The following DAB2IP variants were observed in gnomAD, a reference collection of about 807,000 sequenced individuals.
DAB2IP encodes the protein DAB2 interacting protein.
A neutral mutation model predicts 107.2 loss-of-function variants in DAB2IP; 28 were observed. That is an observed-to-expected ratio of 0.26 (90% CI 0.19 to 0.36). The LOEUF (loss-of-function observed/expected upper bound fraction) is 0.36. DAB2IP is among the 10% of genes least tolerant of loss of function. DAB2IP has a pLI of 1.00. For synonymous variants in DAB2IP, 755 were observed against 706.4 expected (o/e 1.07, Z -1.09); for missense variants, 1,400 against 1,644.7 (o/e 0.85, Z 2.57).
intron 1 of DAB2IP, among the ~76,000 whole-genome samples, chr9:121,614,341 T>C (rs201379303): frequency 6.7e-4 from 92 of 137,816 alleles, no homozygotes; most frequent in African/African-American, 2.4e-3. Flanking sequence ...TCTTTTCTTT[T>C]TTTTTTTTTT....
At chr9:121,775,247 G>A (rs551609220) in intron 13 of DAB2IP, among the ~76,000 whole-genome samples, 2 of 152,326 alleles carry the variant, frequency 1.3e-5, no homozygotes, top group East Asian at 3.9e-4. Flanking sequence ...AAAGCCTGTG[G>A]CAACCTCTCG....
intron 1 of DAB2IP, among the ~76,000 whole-genome samples, chr9:121,622,572 C>G (rs1831511669): frequency 6.6e-6 from 1 of 152,188 alleles, no homozygotes; most frequent in Non-Finnish European, 1.5e-5. Flanking sequence ...CTCCACTGCC[C>G]TCGTGTCGGG....
chr9:121,683,469 G>T (rs1828700846), intron 2 of DAB2IP, among the ~76,000 whole-genome samples: 1 of 152,182 alleles, frequency 6.6e-6, no homozygotes, highest in South Asian at 2.1e-4. Flanking sequence ...AGGGAAACTT[G>T]ACAGCCAATT....
chr9:121,568,209 G>A (rs571605475), intron 1 of DAB2IP, among the ~76,000 whole-genome samples: 24 of 152,334 alleles, frequency 1.6e-4, no homozygotes, highest in South Asian at 6.2e-4. Flanking sequence ...AGGCCTGGCT[G>A]CCTGGCACAG....
intron 1 of DAB2IP, among the ~76,000 whole-genome samples, chr9:121,638,894 A>G (rs1832181990): frequency 6.6e-6 from 1 of 152,198 alleles, no homozygotes; most frequent in African/African-American, 2.4e-5. Flanking sequence ...AGCCAGCCCC[A>G]TGTCCTGTAT....
chr9:121,659,896 AG>A (rs1297751838), intron 1 of DAB2IP, among the ~76,000 whole-genome samples: 1 of 152,198 alleles, frequency 6.6e-6, no homozygotes, highest in Non-Finnish European at 1.5e-5. Context: ...AGGCTGCCAC[AG>A]GTCTCACTGG....
At chr9:121,596,863 G>A (rs1204521878) in intron 1 of DAB2IP, among the ~76,000 whole-genome samples, 5 of 152,156 alleles carry the variant, frequency 3.3e-5, no homozygotes, top group African/African-American at 1.2e-4. Context: ...TGCAGCACAG[G>A]ACAGTTCTCC....
At chr9:121,691,237 G>A (rs943348600) in intron 2 of DAB2IP, among the ~76,000 whole-genome samples, 1 of 152,248 alleles carries the variant, frequency 6.6e-6, no homozygotes, top group African/African-American at 2.4e-5. Context: ...TTACAGTCCA[G>A]TATGGGGTGG....
chr9:121,767,785 A>G (rs2118995380), intron 9 of DAB2IP, among the ~76,000 whole-genome samples: 1 of 152,298 alleles, frequency 6.6e-6, no homozygotes, highest in South Asian at 2.1e-4. Flanking sequence ...CAGCAACAAT[A>G]GCAGAAAATT....
chr9:121,782,309 C>T lies in DAB2IP; in HGVS notation c.3403-22C>T. On this transcript the variant is annotated intron_variant, in intron 15 of 15. Coordinates refer to ENST00000408936, the Ensembl canonical transcript of DAB2IP. This position sits in a 1 kb window ranked among gnomAD's most constrained non-coding sequence, Gnocchi z 6.1. ...TAAGGAGCCTGTCCCATGACCCCCG[C>T]TCACATCCCCATTGTCCACAGGAGA... is the stretch of plus-strand genomic sequence containing the variant. 11 of 1,609,944 alleles carry T rather than the reference C, an allele frequency of 6.8e-6. No individual in the cohort carries two copies. The highest frequency in any genetic ancestry group is 9.3e-6 in the Non-Finnish European group (11 of 1,176,792).
At chr9:121,654,872 A>G (rs1832910109) in intron 1 of DAB2IP, among the ~76,000 whole-genome samples, 1 of 152,210 alleles carries the variant, frequency 6.6e-6, no homozygotes, top group Admixed American at 6.5e-5. Flanking sequence ...AAGGAAAATG[A>G]CCAAGAACTC....
chr9:121,760,200 T>C lies in DAB2IP; in HGVS notation c.931T>C (p.Tyr311His). The C allele has an allele frequency of 6.2e-7, 1 of 1,613,640 alleles. No homozygotes were observed. The highest frequency in any genetic ancestry group is 2.2e-5 in the East Asian group (1 of 44,832). Reference sequence around the variant, plus strand: ...CGGGCGGCAGTTCGTGGAGAAGTGGTACCCGGTGGTGACGCCCAACCCCAA... The same window carrying C: ...CGGGCGGCAGTTCGTGGAGAAGTGGCACCCGGTGGTGACGCCCAACCCCAA... Residue 311 changes from tyrosine to histidine, a missense_variant, in exon 6 of 16, where the codon TAC becomes CAC. Physicochemically the swap from Tyr to His is moderately conservative, Grantham distance 83. Around this residue, in one of 3 missense-constraint regions of DAB2IP, gnomAD observed 517 missense variants for 748.6 expected, o/e 0.69. Transcript: ENST00000408936. The surrounding 1 kb of genome is among the most constrained non-coding windows in gnomAD (Gnocchi z 5.9).
chr9:121,611,852 TGG>T (rs1047138010), intron 1 of DAB2IP, among the ~76,000 whole-genome samples: 10 of 152,332 alleles, frequency 6.6e-5, no homozygotes, highest in Admixed American at 6.5e-4. Context: ...CCCAAAGTGC[TGG>T]GATTACAGGC....
intron 3 of DAB2IP, among the ~76,000 whole-genome samples, chr9:121,706,179 G>A (rs1418930981): frequency 1.3e-5 from 2 of 152,232 alleles, no homozygotes; most frequent in Admixed American, 1.3e-4. Context: ...TCTGCGAGGT[G>A]TGTCCAGGGC....
intron 1 of DAB2IP, among the ~76,000 whole-genome samples, chr9:121,660,834 A>T (rs1362433347): frequency 2.6e-5 from 4 of 152,018 alleles, no homozygotes; most frequent in African/African-American, 9.7e-5. Flanking sequence ...TTTTTTAAAC[A>T]TCTATATTTG....
At chr9:121,695,665 G>A (rs957625830) in intron 2 of DAB2IP, among the ~76,000 whole-genome samples, 30 of 152,170 alleles carry the variant, frequency 2.0e-4, no homozygotes, top group African/African-American at 7.2e-4. Flanking sequence ...GTGGCTAGGG[G>A]GTCATAGTCT....
chr9:121,756,529 T>C (rs960139117), intron 3 of DAB2IP, among the ~76,000 whole-genome samples: 1 of 152,192 alleles, frequency 6.6e-6, no homozygotes, highest in African/African-American at 2.4e-5. Flanking sequence ...TCTGCTGGTG[T>C]GGGACAGTGT....
chr9:121,600,588 G>A (rs1489945739), intron 1 of DAB2IP, among the ~76,000 whole-genome samples: 1 of 152,100 alleles, frequency 6.6e-6, no homozygotes, highest in African/African-American at 2.4e-5. Context: ...ATTGTGAGTG[G>A]GTGAGTAGGT....
chr9:121,742,035 A>G (rs1259286313), intron 3 of DAB2IP, among the ~76,000 whole-genome samples: 1 of 152,096 alleles, frequency 6.6e-6, no homozygotes, highest in Non-Finnish European at 1.5e-5. Context: ...GCTTCCAGGC[A>G]TCACAGAAAC....
Sources: gnomAD v4.1 joint callset for allele counts (sites outside exome capture counted in the v4.1 genomes callset) on GRCh38, gnomAD v4.1.1 for gene constraint, gnomAD v4.1.1 regional missense constraint, Gnocchi (gnomAD v3.1) non-coding constraint, MANE v1.5 for transcripts, NCBI Gene and HGNC (gene_info 2026-07-23, HGNC 2026-07-21) for gene names.